The following GPHN variants were observed in gnomAD, a reference collection of about 807,000 sequenced individuals.
The protein encoded by GPHN is gephyrin.
A neutral mutation model predicts 95.5 loss-of-function variants in GPHN; 17 were observed. That is an observed-to-expected ratio of 0.18 (90% confidence interval 0.12 to 0.27). The LOEUF is 0.27. GPHN is among the 10% of genes least tolerant of loss of function. GPHN has a pLI of 1.00. For synonymous variants in GPHN, 320 were observed against 322.5 expected, an observed-to-expected ratio of 0.99 and a Z score of 0.08; for missense variants, 660 against 978.1, an observed-to-expected ratio of 0.67 and a Z score of 4.34.
At chr14:66,981,629 A>G (rs2153598736) in intron 9 of GPHN, among the ~76,000 whole-genome samples, 1 of 152,308 alleles carries the variant, frequency 6.6e-6, no homozygotes, top group Middle Eastern at 3.4e-3. Flanking sequence ...GATATGGTAT[A>G]ATAAGGTTAA....
chr14:67,625,085 T>C, the GPHN span, among the ~76,000 whole-genome samples: 2 of 152,118 alleles, frequency 1.3e-5, no homozygotes, highest in Non-Finnish European at 2.9e-5. Context: ...GCTGTCTTTA[T>C]TTGACCAACA....
chr14:66,664,342 C>T (rs934909644), intron 1 of GPHN, among the ~76,000 whole-genome samples: 1 of 152,142 alleles, frequency 6.6e-6, no homozygotes, highest in Non-Finnish European at 1.5e-5. Context: ...CACTCAAAAC[C>T]ACACGATTGC....
chr14:67,545,205 C>T, the GPHN span, among the ~76,000 whole-genome samples: 2 of 152,242 alleles, frequency 1.3e-5, no homozygotes, highest in East Asian at 1.9e-4. Flanking sequence ...GTTAGTGACT[C>T]GGAGGTTTCA....
At chr14:67,490,747 A>T in the GPHN span, among the ~76,000 whole-genome samples, 1 of 152,126 alleles carries the variant, frequency 6.6e-6, no homozygotes. Flanking sequence ...GCCAGAAAGC[A>T]TGCAGGCAAA....
At chr14:66,905,674 C>G (rs1428672660) in intron 5 of GPHN, among the ~76,000 whole-genome samples, 1 of 152,020 alleles carries the variant, frequency 6.6e-6, no homozygotes, top group African/African-American at 2.4e-5. Flanking sequence ...ATCCCATCAC[C>G]CAGGTAATGA....
intron 17 of GPHN, among the ~76,000 whole-genome samples, chr14:67,134,946 C>CTTTTTT (rs1191759117): frequency 3.4e-5 from 2 of 59,162 alleles, no homozygotes; most frequent in Admixed American, 1.7e-4. Flanking sequence ...CTCTTTCTTT[C>CTTTTTT]TTTCTTCTTT....
chr14:67,563,634 T>G, the GPHN span, among the ~76,000 whole-genome samples: 1 of 151,600 alleles, frequency 6.6e-6, no homozygotes, highest in East Asian at 1.9e-4. Context: ...GGTTTCACCA[T>G]GTTGGTCAGG....
chr14:66,754,257 C>T (rs1201518550), intron 2 of GPHN, among the ~76,000 whole-genome samples: 2 of 151,984 alleles, frequency 1.3e-5, no homozygotes, highest in Non-Finnish European at 2.9e-5. Context: ...TATGGTGACT[C>T]TGTCTTCAGC....
chr14:67,360,380 G>A, the GPHN span: 58 of 396,266 alleles, frequency 1.5e-4, no homozygotes, highest in Non-Finnish European at 2.4e-4. Context: ...CGGCCGGTGA[G>A]GGGGAAGCAA....
At chr14:66,772,504 A>G (rs117340676) in intron 2 of GPHN, among the ~76,000 whole-genome samples, 1,665 of 152,360 alleles carry the variant, frequency 0.011, 18 homozygotes, top group Middle Eastern at 0.017. Flanking sequence ...ATATAATCAC[A>G]TGAGCCTTAA....
chr14:67,459,507 A>T, the GPHN span, among the ~76,000 whole-genome samples: 1 of 152,344 alleles, frequency 6.6e-6, no homozygotes, highest in South Asian at 2.1e-4. Flanking sequence ...AGGATAGATT[A>T]GAGACCTATT....
chr14:66,595,250 A>G (rs943364886), intron 1 of GPHN, among the ~76,000 whole-genome samples: 3 of 152,218 alleles, frequency 2.0e-5, no homozygotes, highest in Admixed American at 6.5e-5. Flanking sequence ...AGGTATCTCA[A>G]AAATAAGAAG....
chr14:66,656,028 A>G (rs1037892248), intron 1 of GPHN, among the ~76,000 whole-genome samples: 9 of 152,118 alleles, frequency 5.9e-5, no homozygotes, highest in Non-Finnish European at 1.3e-4. Context: ...TTTTGGATAT[A>G]TATTCACATG....
the GPHN span, chr14:67,292,661 T>A: frequency 6.2e-7 from 1 of 1,613,740 alleles, no homozygotes; most frequent in African/African-American, 1.3e-5. Flanking sequence ...ACAGTACACA[T>A]GAACAAGGCC....
chr14:67,052,035 T>A (rs1397164132), intron 10 of GPHN, among the ~76,000 whole-genome samples: 1 of 152,098 alleles, frequency 6.6e-6, no homozygotes, highest in African/African-American at 2.4e-5. Context: ...CAATGACGCT[T>A]CGAAGCAACT....
At chr14:67,052,681 G>C (rs911750551) in intron 10 of GPHN, among the ~76,000 whole-genome samples, 88 of 152,090 alleles carry the variant, frequency 5.8e-4, no homozygotes, top group African/African-American at 2.1e-3. Context: ...CTCCTAAAAA[G>C]ATTGCATAAT....
chr14:67,231,338 T>C, the GPHN span, among the ~76,000 whole-genome samples: 1,301 of 152,330 alleles, frequency 8.5e-3, 9 homozygotes, highest in Non-Finnish European at 0.014. Context: ...TTATTTTTTT[T>C]TGAGACAGGA....
At chr14:67,244,365 G>A in the GPHN span, among the ~76,000 whole-genome samples, 1 of 152,340 alleles carries the variant, frequency 6.6e-6, no homozygotes, top group Non-Finnish European at 1.5e-5. Flanking sequence ...TTACATTCCT[G>A]CAAACAGTAT....
chr14:66,999,089 G>A (rs1389918155), intron 9 of GPHN, among the ~76,000 whole-genome samples: 1 of 151,856 alleles, frequency 6.6e-6, no homozygotes, highest in Non-Finnish European at 1.5e-5. Context: ...GCTAGCAAGT[G>A]AGTGGCAGAA....
Sources: gnomAD v4.1 joint callset for allele counts (sites outside exome capture counted in the v4.1 genomes callset) on GRCh38, gnomAD v4.1.1 for gene constraint, MANE v1.5 for transcripts, NCBI Gene and HGNC (gene_info 2026-07-23, HGNC 2026-07-21) for gene names.